IRAG1: variants seen among roughly 807,000 people sequenced by gnomAD.
The protein encoded by IRAG1 is inositol 1,4,5-triphosphate receptor associated 1.
A neutral mutation model predicts 106.2 loss-of-function variants in IRAG1; 62 were observed. That is an observed-to-expected ratio of 0.58 (90% CI 0.48 to 0.72). IRAG1 has a LOEUF of 0.72. IRAG1 is among the 30% of genes least tolerant of loss of function. The pLI is 0.00. For synonymous variants in IRAG1, 462 were observed against 443.9 expected, an observed-to-expected ratio of 1.04 and a Z score of -0.51; for missense variants, 1,064 against 1,140.7, an observed-to-expected ratio of 0.93 and a Z score of 0.97.
chr11:10,609,617 T>C (rs763358810), intron 11 of IRAG1, 111 bp downstream of exon 11: 129 of 1,257,946 alleles, frequency 1.0e-4, no homozygotes, highest in Non-Finnish European at 1.4e-4. Flanking sequence ...AATTGGACTT[T>C]GGCCCTTCTG....
chr11:10,632,757 C>T (rs1175754611), intron 3 of IRAG1, among the ~76,000 whole-genome samples: 1 of 152,238 alleles, frequency 6.6e-6, no homozygotes, highest in Non-Finnish European at 1.5e-5. Context: ...TCTGAGCTAA[C>T]ATCTAACTTG....
chr11:10,608,938 C>G (rs183841320), intron 11 of IRAG1, among the ~76,000 whole-genome samples: 27 of 152,282 alleles, frequency 1.8e-4, no homozygotes, highest in Non-Finnish European at 4.4e-5. Context: ...TTTGAAGAGT[C>G]TTATAGTGTT....
At chr11:10,627,618 C>G in intron 8 of IRAG1, 98 bp downstream of exon 8, 2 of 1,309,654 alleles carry the variant, frequency 1.5e-6, no homozygotes, top group Non-Finnish European at 2.2e-6. Context: ...CGTGTGCATG[C>G]ACACACACTT....
At position 10,657,757 on chromosome 11, in the gene IRAG1, C is replaced by T. The variant is rs1859034904; in HGVS notation, c.68-5575G>A. Among the ~76,000 whole-genome samples the T allele has an allele frequency of 3.3e-5, 5 of 152,160 alleles. No individual in the cohort carries two copies. The South Asian group carries it at 8.3e-4, about 25-fold the overall frequency. On this transcript the variant is annotated intron_variant, in intron 1 of 20. Coordinates refer to ENST00000423302, the MANE Select transcript of IRAG1 (RefSeq NM_130385.4). This position sits in a 1 kb window ranked among gnomAD's most constrained non-coding sequence, Gnocchi z 4.1. ...GGGGGAATTGTTGGGGGTGACTGCA[C>T]GTGGAGCTCTCTTAGCCCTTCTGCA...
intron 1 of IRAG1, among the ~76,000 whole-genome samples, chr11:10,678,161 C>T (rs547747205): frequency 6.6e-6 from 1 of 152,258 alleles, no homozygotes; most frequent in South Asian, 2.1e-4. Context: ...GTTTGAACAC[C>T]TGTTTTCAAT....
chr11:10,623,819 A>G lies in IRAG1; in HGVS notation c.1406T>C (p.Leu469Pro), dbSNP rs754534475. Reference protein sequence around the residue: ...ILMRNQNLVGLKLPDLSEAAE... With the variant: ...ILMRNQNLVGPKLPDLSEAAE... ...TGCTTCACTAAGGTCTGGAAGCTTG[A>G]GCCCCACTAAGTTCTGATTTCTCAT... The change falls in exon 10 of 21, where the codon CTC becomes CCC. Residue 469 changes from leucine to proline, a missense_variant. By Grantham distance (98) the Leu-to-Pro change is moderately conservative. Transcript: ENST00000423302. The G allele has an allele frequency of 9.3e-6, 15 of 1,614,022 alleles. No homozygotes were observed. Among genetic ancestry groups the G allele is most frequent in the Non-Finnish European group, 9.3e-6 (11 of 1,179,892 alleles).
intron 1 of IRAG1, 155 bp downstream of exon 1, chr11:10,693,381 A>G (rs1564949700): frequency 1.2e-5 from 16 of 1,354,448 alleles, no homozygotes; most frequent in Non-Finnish European, 1.6e-5. Flanking sequence ...AACAATAAAG[A>G]TACTCAGCTG....
rs76186693 is a variant in IRAG1, at chr11:10,580,168, G to A, written c.2495+287C>T. Among the ~76,000 whole-genome samples the A allele has an allele frequency of 7.7e-3, 1,179 of 152,250 alleles. 13 individuals carry two copies. Among genetic ancestry groups the A allele is most frequent in the African/African-American group, 0.027 (1,104 of 41,526 alleles). On this transcript the variant is annotated intron_variant, in intron 20 of 20. Transcript: ENST00000423302. Reference sequence around the variant, plus strand: ...GGAGGGACTCCATTCAGGGCCCTTCGCCCTTCCTTAGCTCCTGGAGCTCTT... The same window carrying A: ...GGAGGGACTCCATTCAGGGCCCTTCACCCTTCCTTAGCTCCTGGAGCTCTT...
chr11:10,590,448 A>AGAT (rs778643347), intron 18 of IRAG1, among the ~76,000 whole-genome samples: 5 of 152,218 alleles, frequency 3.3e-5, no homozygotes, highest in Non-Finnish European at 7.3e-5. Flanking sequence ...CTGAGTCTGG[A>AGAT]GATGGGAGCT....
intron 1 of IRAG1, among the ~76,000 whole-genome samples, chr11:10,678,425 G>A (rs1415200353): frequency 3.9e-5 from 6 of 152,092 alleles, no homozygotes; most frequent in Admixed American, 2.0e-4. Context: ...CTTTGTCTAA[G>A]CTATTTCAGA....
intron 1 of IRAG1, among the ~76,000 whole-genome samples, chr11:10,663,218 A>C (rs1377804667): frequency 6.6e-6 from 1 of 152,132 alleles, no homozygotes; most frequent in Non-Finnish European, 1.5e-5. Context: ...ACCACAGCCC[A>C]ATAAATAAAT....
intron 1 of IRAG1, among the ~76,000 whole-genome samples, chr11:10,680,516 A>AAAGGAAGAAAGGAAGGAAGGAAGG (rs1554935773): frequency 0.01 from 1,386 of 133,418 alleles, 9 homozygotes; most frequent in Non-Finnish European, 0.014. Context: ...AGGGAAAAAG[A>AAAGGAAGAAAGGAAGGAAGGAAGG]AAGGAAGAAA....
chr11:10,623,898 A>C, intron 9 of IRAG1, 42 bp from the exon 10 acceptor site: 1 of 1,565,538 alleles, frequency 6.4e-7, no homozygotes, highest in Non-Finnish European at 8.8e-7. Context: ...AGATGATGAC[A>C]CTGGGCTGGG....
intron 20 of IRAG1, among the ~76,000 whole-genome samples, chr11:10,579,601 A>T (rs561823354): frequency 1.1e-5 from 1 of 87,886 alleles, no homozygotes; most frequent in Non-Finnish European, 2.3e-5. Context: ...CATGGTTATT[A>T]TATCTGTGGG....
At chr11:10,611,167 A>C (rs902624627) in intron 10 of IRAG1, among the ~76,000 whole-genome samples, 2 of 152,212 alleles carry the variant, frequency 1.3e-5, no homozygotes, top group African/African-American at 4.8e-5. Flanking sequence ...CTTGGTACTC[A>C]AGGTAGCCAA....
In IRAG1 at chr11:10,604,505, C is replaced by G. The variant is rs150473388; in HGVS notation, c.1643G>C (p.Ser548Thr). 984 of 1,614,056 alleles carry G rather than the reference C, an allele frequency of 6.1e-4. 3 individuals are homozygous for G. The African/African-American group carries it at 0.012, about 19-fold the overall frequency. Residue 548 changes from serine to threonine, a missense_variant, in exon 13 of 21, where the codon AGC becomes ACC. By Grantham distance (58) the Ser-to-Thr change is moderately conservative. Coordinates refer to ENST00000423302, the MANE Select transcript of IRAG1 (RefSeq NM_130385.4). The part of the protein sequence containing the change: ...VQLSLAFRND[S>T]YTLESRINQA... ...GTTAATTCTAGATTCCAGAGTGTAG[C>G]TGTCATTTCTAAAGGCCAAGGACAG...
intron 11 of IRAG1, among the ~76,000 whole-genome samples, chr11:10,609,507 C>T (rs995873933): frequency 6.6e-6 from 1 of 152,242 alleles, no homozygotes; most frequent in Non-Finnish European, 1.5e-5. Flanking sequence ...CCTTCATGAA[C>T]TGTGCTCACC....
intron 2 of IRAG1, among the ~76,000 whole-genome samples, chr11:10,645,727 C>T (rs1363160541): frequency 3.9e-5 from 6 of 152,256 alleles, no homozygotes; most frequent in South Asian, 4.1e-4. Context: ...TATATTATTC[C>T]AGTAATTAAA....
chr11:10,602,145 C>G (rs1256283997), intron 14 of IRAG1, among the ~76,000 whole-genome samples: 1 of 152,190 alleles, frequency 6.6e-6, no homozygotes, highest in African/African-American at 2.4e-5. Flanking sequence ...GAGTGACTTC[C>G]TGGGCACCAC....
Sources: gnomAD v4.1 joint callset for allele counts (sites outside exome capture counted in the v4.1 genomes callset) on GRCh38, gnomAD v4.1.1 for gene constraint, Gnocchi (gnomAD v3.1) non-coding constraint, MANE v1.5 for transcripts, NCBI Gene and HGNC (gene_info 2026-07-23, HGNC 2026-07-21) for gene names.